The following PCDH9 variants were observed in gnomAD, a reference collection of about 807,000 sequenced individuals.
PCDH9 encodes protocadherin 9.
PCDH9 carries 24 observed loss-of-function variants against 70.6 expected under a neutral mutation model. That is an observed-to-expected ratio of 0.34 (90% CI 0.25 to 0.48). PCDH9 has a LOEUF of 0.48. Among genes scored for constraint, PCDH9 ranks in the 20% least tolerant of loss-of-function variants. PCDH9 has a pLI of 0.99. For synonymous variants in PCDH9, 562 were observed against 558.5 expected (o/e 1.01, Z -0.09); for missense variants, 1,281 against 1,503.6 (o/e 0.85, Z 2.45).
chr13:67,008,513 A>G lies in PCDH9; in HGVS notation c.3037-104908T>C, dbSNP rs56372788. On this transcript the variant is annotated intron_variant, in intron 2 of 4. Transcript: ENST00000377865. ...TCCAGTCCTCTTTACCCCACTGGCT[A>G]CTATAGACTTTTTACATAGATATCC... is the stretch of plus-strand genomic sequence containing the variant. Among the ~76,000 whole-genome samples the G allele has an allele frequency of 5.2e-3, 784 of 152,218 alleles. 3 individuals carry two copies. The highest frequency in any genetic ancestry group is 0.018 in the African/African-American group (729 of 41,550).
chr13:66,772,917 A>G, intron 3 of PCDH9, among the ~76,000 whole-genome samples: 1 of 152,168 alleles, frequency 6.6e-6, no homozygotes, highest in East Asian at 1.9e-4. Context: ...AACCAGAAAA[A>G]AAAAAAGTCT....
chr13:66,643,368 G>T (rs1194835954), intron 3 of PCDH9, among the ~76,000 whole-genome samples: 3 of 151,986 alleles, frequency 2.0e-5, no homozygotes, highest in Non-Finnish European at 4.4e-5. Context: ...AGGAGTCTTT[G>T]TTCTGAACAG....
intron 3 of PCDH9, among the ~76,000 whole-genome samples, chr13:66,790,760 A>G (rs2080151723): frequency 6.6e-6 from 1 of 152,054 alleles, no homozygotes; most frequent in South Asian, 2.1e-4. Flanking sequence ...ATTCCAAATA[A>G]TGTTCCTACC....
intron 2 of PCDH9, among the ~76,000 whole-genome samples, chr13:67,110,080 A>G (rs2138266283): frequency 6.6e-6 from 1 of 152,306 alleles, no homozygotes; most frequent in Non-Finnish European, 1.5e-5. Context: ...GAAGAATTTA[A>G]TAATCAATAG....
intron 3 of PCDH9, among the ~76,000 whole-genome samples, chr13:66,849,515 TATAGAGAG>T (rs1259209567): frequency 1.4e-5 from 1 of 72,522 alleles, no homozygotes; most frequent in Non-Finnish European, 2.4e-5. Context: ...TATATATATA[TATAGAGAG>T]AGAGAGAGAG....
chr13:66,589,691 T>A (rs1025108683), intron 4 of PCDH9, among the ~76,000 whole-genome samples: 8 of 152,032 alleles, frequency 5.3e-5, no homozygotes, highest in African/African-American at 1.4e-4. Context: ...CAGCGATGAA[T>A]CCTTCCAGGG....
intron 3 of PCDH9, among the ~76,000 whole-genome samples, chr13:66,644,523 A>T (rs923966586): frequency 2.6e-5 from 4 of 151,986 alleles, no homozygotes; most frequent in African/African-American, 9.7e-5. Context: ...CAAATCATTT[A>T]AATGATAGCA....
At chr13:66,558,154 C>A (rs935501552) in intron 4 of PCDH9, among the ~76,000 whole-genome samples, 1 of 152,112 alleles carries the variant, frequency 6.6e-6, no homozygotes, top group Non-Finnish European at 1.5e-5. Flanking sequence ...GACCCTGTCT[C>A]TAAAACAAAC....
At chr13:67,155,099 C>G (rs984535706) in intron 2 of PCDH9, among the ~76,000 whole-genome samples, 1 of 152,074 alleles carries the variant, frequency 6.6e-6, no homozygotes, top group African/African-American at 2.4e-5. Flanking sequence ...TGTATTTTGT[C>G]ATTCCATCCC....
intron 2 of PCDH9, among the ~76,000 whole-genome samples, chr13:67,048,661 G>A (rs912877161): frequency 4.6e-5 from 7 of 152,176 alleles, no homozygotes; most frequent in Non-Finnish European, 1.0e-4. Flanking sequence ...GAGTTTTGCT[G>A]GGCCTGCTAC....
intron 3 of PCDH9, among the ~76,000 whole-genome samples, chr13:66,655,014 C>T (rs2077909425): frequency 6.6e-6 from 1 of 152,040 alleles, no homozygotes; most frequent in Admixed American, 6.6e-5. Flanking sequence ...GGGTGAGCCA[C>T]CATACCCTGT....
At chr13:66,998,458 G>T (rs1014365017) in intron 2 of PCDH9, among the ~76,000 whole-genome samples, 45 of 152,210 alleles carry the variant, frequency 3.0e-4, no homozygotes, top group African/African-American at 1.1e-3. Context: ...ACTTCCTATT[G>T]TGATTCCAAC....
chr13:66,746,906 A>G (rs2079374514), intron 3 of PCDH9, among the ~76,000 whole-genome samples: 1 of 152,068 alleles, frequency 6.6e-6, no homozygotes, highest in African/African-American at 2.4e-5. Context: ...TGAGACTACT[A>G]AATGTGAATA....
chr13:66,961,853 C>A (rs1192495814), intron 2 of PCDH9, among the ~76,000 whole-genome samples: 2 of 151,936 alleles, frequency 1.3e-5, no homozygotes, highest in Non-Finnish European at 1.5e-5. Flanking sequence ...GAGTTTGAGA[C>A]CAGCCTGACC....
At chr13:66,353,662 A>C (rs549375237) in intron 4 of PCDH9, among the ~76,000 whole-genome samples, 10 of 152,218 alleles carry the variant, frequency 6.6e-5, no homozygotes, top group African/African-American at 1.9e-4. Flanking sequence ...CTCTTAAACT[A>C]CACTCATTTC....
intron 4 of PCDH9, 77 bp downstream of exon 4, chr13:66,631,133 A>ACAATTATTT: frequency 1.3e-6 from 1 of 751,888 alleles, no homozygotes; most frequent in South Asian, 1.5e-5. Flanking sequence ...CTTGCCCCCT[A>ACAATTATTT]CAATTATTTT....
chr13:66,604,354 A>G lies in PCDH9; in HGVS notation c.3340+26856T>C, dbSNP rs2077197484. Among the ~76,000 whole-genome samples, 4 of 152,256 alleles carry G rather than the reference A, an allele frequency of 2.6e-5. No homozygotes were observed. The South Asian group carries it at 8.3e-4, about 32-fold the overall frequency. ...AAAAATATTATACATATAATTTAAA[A>G]GTATAATAGACGAATAAATAGTTGT... On this transcript the variant is annotated intron_variant, in intron 4 of 4. Transcript: ENST00000377865.
intron 2 of PCDH9, among the ~76,000 whole-genome samples, chr13:67,064,051 T>G (rs2138134904): frequency 6.6e-6 from 1 of 152,282 alleles, no homozygotes; most frequent in South Asian, 2.1e-4. Context: ...TCTCCTGGCC[T>G]CATTGTTAAC....
At chr13:67,111,609 C>T (rs1359548328) in intron 2 of PCDH9, among the ~76,000 whole-genome samples, 1 of 152,038 alleles carries the variant, frequency 6.6e-6, no homozygotes, top group Admixed American at 6.5e-5. Context: ...TTTAATTAAC[C>T]ATTGTAAAAT....
Sources: allele counts gnomAD v4.1 joint callset (sites outside exome capture counted in the v4.1 genomes callset), GRCh38; gene constraint gnomAD v4.1.1; transcripts MANE v1.5; gene names NCBI Gene and HGNC (gene_info 2026-07-23, HGNC 2026-07-21).